VPS37A: variants seen among roughly 807,000 people sequenced by gnomAD.
The protein encoded by VPS37A is VPS37A subunit of ESCRT-I, also known as vacuolar protein sorting-associated protein 37A.
In VPS37A, 30 loss-of-function variants were observed where a neutral mutation model predicts 49.8. That is an observed-to-expected ratio of 0.60 (90% CI 0.45 to 0.82). The LOEUF is 0.82. VPS37A is among the 40% of genes least tolerant of loss of function. The probability of loss-of-function intolerance (pLI) is 0.00; values close to 1 mark genes in which losing one functional copy is unlikely to be tolerated. For missense variants in VPS37A, 593 were observed against 464.4 expected (o/e 1.28, Z -2.55); for synonymous variants, 195 against 160.6 (o/e 1.21, Z -1.62).
At chr8:17,281,793 A>G (rs1024878895) in intron 9 of VPS37A, among the ~76,000 whole-genome samples, 3 of 152,100 alleles carry the variant, frequency 2.0e-5, no homozygotes, top group African/African-American at 2.4e-5. Context: ...AAAACAACTC[A>G]TTTACCATAG....
At chr8:17,279,889 A>C (rs1400624261) in intron 6 of VPS37A, 139 bp from the exon 7 acceptor site, 6 of 998,434 alleles carry the variant, frequency 6.0e-6, no homozygotes, top group African/African-American at 3.2e-5. Flanking sequence ...TTTAAGGTTA[A>C]AACTGGCAGC....
At chr8:17,317,673 G>A in the VPS37A span, among the ~76,000 whole-genome samples, 5 of 152,162 alleles carry the variant, frequency 3.3e-5, no homozygotes, top group African/African-American at 7.2e-5. Context: ...ACTGCTTCTC[G>A]TGCAAACATT....
At chr8:17,301,993 G>T, downstream of VPS37A, 1 of 878,358 alleles carries the variant, frequency 1.1e-6, no homozygotes, top group Non-Finnish European at 1.7e-6. Flanking sequence ...TTTGGGCTTC[G>T]GTTATCTGAG....
In VPS37A at chr8:17,263,749, G is replaced by A. The variant is rs545040797; in HGVS notation, c.126-2158G>A. 7.2e-5 allele frequency among the ~76,000 whole-genome samples: 11 copies of A among 152,248 alleles called. No individual in the cohort carries two copies. The South Asian group carries it at 2.1e-3, about 29-fold the overall frequency. On this transcript the variant is annotated intron_variant, in intron 1 of 11. Transcript: ENST00000324849. Reference sequence around the variant, plus strand: ...GCTTGAGGTCAGGAATTCGAGACCAGCCTAGCCAGCATGGTGAAACCCCTT... The same window carrying A: ...GCTTGAGGTCAGGAATTCGAGACCAACCTAGCCAGCATGGTGAAACCCCTT...
chr8:17,282,360 G>A (rs1184550943), intron 9 of VPS37A, among the ~76,000 whole-genome samples: 1 of 152,066 alleles, frequency 6.6e-6, no homozygotes, highest in Non-Finnish European at 1.5e-5. Context: ...GTTTATTACA[G>A]ATAAACTGCT....
the VPS37A span, among the ~76,000 whole-genome samples, chr8:17,332,369 A>G: frequency 6.6e-6 from 1 of 152,236 alleles, no homozygotes; most frequent in Non-Finnish European, 1.5e-5. Flanking sequence ...ACATAAAAAT[A>G]GATGCCCAAG....
intron 4 of VPS37A, among the ~76,000 whole-genome samples, chr8:17,270,588 T>G (rs1440923435): frequency 1.3e-5 from 2 of 152,128 alleles, no homozygotes; most frequent in African/African-American, 4.8e-5. Context: ...TCTGCTGCAT[T>G]TTCTAAAGTT....
At chr8:17,271,974 T>G (rs2150384553) in intron 4 of VPS37A, 2 of 456,572 alleles carry the variant, frequency 4.4e-6, no homozygotes, top group East Asian at 1.4e-4. Flanking sequence ...TTTCTCTCTC[T>G]TCTCACATTT....
intron 1 of VPS37A, among the ~76,000 whole-genome samples, chr8:17,265,455 C>T (rs1813358186): frequency 6.6e-6 from 1 of 152,182 alleles, no homozygotes; most frequent in African/African-American, 2.4e-5. Flanking sequence ...CATCCTCTGT[C>T]ATAAGATTGT....
At chr8:17,323,037 T>C in the VPS37A span, among the ~76,000 whole-genome samples, 1 of 138,086 alleles carries the variant, frequency 7.2e-6, no homozygotes, top group Non-Finnish European at 1.5e-5. Context: ...AACCTCCACC[T>C]CCCGGATTCA....
intron 4 of VPS37A, 147 bp from the exon 5 acceptor site, chr8:17,274,586 C>G: frequency 1.9e-6 from 1 of 530,338 alleles, no homozygotes; most frequent in Non-Finnish European, 3.2e-6. Flanking sequence ...ATATTTAATT[C>G]CATTATATAA....
downstream of VPS37A, among the ~76,000 whole-genome samples, chr8:17,307,335 T>G (rs1274831991): frequency 1.1e-4 from 16 of 152,186 alleles, no homozygotes; most frequent in East Asian, 1.4e-3. Context: ...ACCACAATGA[T>G]ACACCATCTC....
chr8:17,270,823 T>C (rs760311078), intron 4 of VPS37A, among the ~76,000 whole-genome samples: 6 of 152,176 alleles, frequency 3.9e-5, no homozygotes, highest in Admixed American at 3.9e-4. Context: ...TTCATCATAT[T>C]GTAGAATCAG....
Position 17,276,616 on chromosome 8 carries a change from G to C in VPS37A, c.713+149G>C, listed in dbSNP as rs1013602536. 34 of 735,550 alleles carry C rather than the reference G, an allele frequency of 4.6e-5. No individual in the cohort carries two copies. In the African/African-American group the frequency reaches 5.8e-4, roughly 12 times the overall value. The allele number at this position is 735,550 out of a possible 1,614,324, so 45.6% of individuals were successfully genotyped here. A position where few individuals can be genotyped will look rare whatever the true frequency, so the allele number is the denominator to read the frequency against. Reference sequence around the variant, plus strand: ...TTGCCTTAGTGGGATTTAAAAATCAGTTTTAGGTCCTATAGGTTACATTTA... The same window carrying C: ...TTGCCTTAGTGGGATTTAAAAATCACTTTTAGGTCCTATAGGTTACATTTA... On this transcript the variant is annotated intron_variant, in intron 6 of 11. Coordinates refer to ENST00000324849, the MANE Select transcript of VPS37A (RefSeq NM_152415.3).
chr8:17,292,468 T>A (rs989749350), intron 11 of VPS37A, among the ~76,000 whole-genome samples: 4 of 151,556 alleles, frequency 2.6e-5, no homozygotes, highest in African/African-American at 9.7e-5. Context: ...CGTTTAAGGT[T>A]AATATTGTTA....
chr8:17,326,558 C>T, the VPS37A span: 11 of 152,154 alleles, frequency 7.2e-5, no homozygotes, highest in Admixed American at 6.5e-4. Flanking sequence ...TGCTTTGTAA[C>T]GTGATACTGG....
downstream of VPS37A, among the ~76,000 whole-genome samples, chr8:17,301,176 AAG>A (rs1817083990): frequency 6.6e-6 from 1 of 152,240 alleles, no homozygotes; most frequent in South Asian, 2.1e-4. Context: ...GTGTGAGGAA[AAG>A]AGATAGATAA....
intron 1 of VPS37A, among the ~76,000 whole-genome samples, chr8:17,256,634 A>T (rs1232580318): frequency 1.2e-5 from 1 of 86,728 alleles, no homozygotes; most frequent in African/African-American, 5.6e-5. Context: ...TGTAGGTTTT[A>T]TTTATTTATT....
intron 1 of VPS37A, chr8:17,247,965 A>G: frequency 1.7e-6 from 1 of 579,762 alleles, no homozygotes; most frequent in Non-Finnish European, 3.1e-6. Flanking sequence ...CTTCTTTCAT[A>G]GTCTTGTCCC....
Sources: allele counts gnomAD v4.1 joint callset (sites outside exome capture counted in the v4.1 genomes callset), GRCh38; gene constraint gnomAD v4.1.1; transcripts MANE v1.5; gene names NCBI Gene and HGNC (gene_info 2026-07-23, HGNC 2026-07-21).